PTPRD: variants seen among roughly 807,000 people sequenced by gnomAD.
PTPRD encodes protein tyrosine phosphatase receptor type D, also known as receptor-type tyrosine-protein phosphatase delta.
A neutral mutation model predicts 214.5 loss-of-function variants in PTPRD; 34 were observed. That is an observed-to-expected ratio of 0.16 (90% CI 0.12 to 0.21). The LOEUF is 0.21. Among genes scored for constraint, PTPRD ranks in the 10% least tolerant of loss-of-function variants. PTPRD has a pLI of 1.00. For synonymous variants in PTPRD, 1,128 were observed against 845.7 expected (o/e 1.33, Z -5.79); for missense variants, 2,545 against 2,398.7 (o/e 1.06, Z -1.27).
chr9:10,183,604 T>C (rs2099313336), intron 3 of PTPRD, among the ~76,000 whole-genome samples: 1 of 152,190 alleles, frequency 6.6e-6, no homozygotes, highest in Admixed American at 6.5e-5. Context: ...TTCTTTTTTT[T>C]CACCTTTTCT....
intron 3 of PTPRD, among the ~76,000 whole-genome samples, chr9:10,326,602 T>C (rs1300202945): frequency 6.6e-6 from 1 of 151,668 alleles, no homozygotes; most frequent in Non-Finnish European, 1.5e-5. Context: ...TTGGTTTTAT[T>C]GAATATTAAT....
intron 5 of PTPRD, among the ~76,000 whole-genome samples, chr9:9,924,744 C>A (rs963498408): frequency 1.3e-5 from 2 of 152,014 alleles, no homozygotes; most frequent in African/African-American, 4.8e-5. Context: ...AAAATAATTG[C>A]TTTAAAAATT....
At chr9:9,929,661 A>T (rs2085672854) in intron 5 of PTPRD, among the ~76,000 whole-genome samples, 1 of 152,108 alleles carries the variant, frequency 6.6e-6, no homozygotes, top group Non-Finnish European at 1.5e-5. Flanking sequence ...CAAAGTGCTG[A>T]GATTACAGGC....
At chr9:9,035,132 G>C (rs2099617479) in intron 10 of PTPRD, among the ~76,000 whole-genome samples, 1 of 152,056 alleles carries the variant, frequency 6.6e-6, no homozygotes, top group South Asian at 2.1e-4. Flanking sequence ...CATAGAGTCT[G>C]GCACATGGTG....
intron 8 of PTPRD, among the ~76,000 whole-genome samples, chr9:9,439,530 C>A (rs1207596585): frequency 6.6e-6 from 1 of 152,144 alleles, no homozygotes; most frequent in Non-Finnish European, 1.5e-5. Context: ...TTTCAACAAG[C>A]TCAGCAACAG....
At chr9:8,791,243 T>A (rs2096220873) in intron 11 of PTPRD, among the ~76,000 whole-genome samples, 1 of 152,144 alleles carries the variant, frequency 6.6e-6, no homozygotes, top group South Asian at 2.1e-4. Flanking sequence ...TTTTTCTTTT[T>A]GAGACAGAGT....
At chr9:8,499,963 T>C (rs2097357708) in intron 24 of PTPRD, 123 bp from the exon 25 acceptor site, 4 of 663,588 alleles carry the variant, frequency 6.0e-6, no homozygotes, top group Non-Finnish European at 9.3e-6. Flanking sequence ...TATGTTTTCT[T>C]TGAAGAATAC....
chr9:9,247,100 C>G (rs760371221), intron 9 of PTPRD, among the ~76,000 whole-genome samples: 1 of 152,054 alleles, frequency 6.6e-6, no homozygotes, highest in Non-Finnish European at 1.5e-5. Flanking sequence ...AAATGTCACT[C>G]TAGCCTTCTT....
In PTPRD at chr9:9,777,346, C is replaced by CACACAA. The variant is rs143342669; in HGVS notation, c.-367-10496_-367-10495insTTGTGT. Among the ~76,000 whole-genome samples the CACACAA allele has an allele frequency of 0.032, 4,870 of 151,998 alleles. 505 individuals carry two copies. In the East Asian group the frequency reaches 0.37, roughly 12 times the overall value. On this transcript the variant is annotated intron_variant, in intron 5 of 45. Transcript: ENST00000381196. ...ACATGCACACACACACACACACACACACACACACCCCTAAATGTTTACGTG... is the reference window on the plus strand; with the variant it reads ...ACATGCACACACACACACACACACACACACAAACACACACCCCTAAATGTTTACGTG...
At chr9:8,341,647 C>T (rs369184489) in intron 40 of PTPRD, 46 bp downstream of exon 40, 2 of 1,594,150 alleles carry the variant, frequency 1.3e-6, no homozygotes, top group East Asian at 4.5e-5. Flanking sequence ...AAGACAAACC[C>T]AGAATGACTT....
chr9:10,557,511 C>G (rs1296737920), intron 2 of PTPRD, among the ~76,000 whole-genome samples: 1 of 152,162 alleles, frequency 6.6e-6, no homozygotes, highest in African/African-American at 2.4e-5. Flanking sequence ...TTAGATCCAG[C>G]TTTCCCATAA....
chr9:9,803,104 G>A (rs2099051789), intron 5 of PTPRD, among the ~76,000 whole-genome samples: 1 of 151,684 alleles, frequency 6.6e-6, no homozygotes, highest in Non-Finnish European at 1.5e-5. Flanking sequence ...CTATAATTAG[G>A]TAAATATATT....
At chr9:8,774,292 T>G (rs1169378054) in intron 11 of PTPRD, among the ~76,000 whole-genome samples, 1 of 152,158 alleles carries the variant, frequency 6.6e-6, no homozygotes, top group Non-Finnish European at 1.5e-5. Context: ...GAAATTGGAT[T>G]CAATTGCTAA....
At chr9:10,320,337 G>C (rs1228832984) in intron 3 of PTPRD, among the ~76,000 whole-genome samples, 8 of 152,000 alleles carry the variant, frequency 5.3e-5, no homozygotes, top group East Asian at 1.9e-4. Context: ...ACATAAGCTT[G>C]AATATTTTCC....
chr9:9,038,397 T>C (rs1028553694), intron 10 of PTPRD, among the ~76,000 whole-genome samples: 3 of 152,092 alleles, frequency 2.0e-5, no homozygotes, highest in African/African-American at 7.2e-5. Flanking sequence ...GCTGTACTTC[T>C]AAACACCCCC....
At chr9:8,778,131 T>G (rs181973356) in intron 11 of PTPRD, among the ~76,000 whole-genome samples, 104 of 152,334 alleles carry the variant, frequency 6.8e-4, no homozygotes, top group African/African-American at 1.9e-3. Flanking sequence ...TACTTTTTAC[T>G]GTTTAGGTGG....
chr9:8,833,154 A>C (rs2097333968), intron 11 of PTPRD, among the ~76,000 whole-genome samples: 1 of 152,132 alleles, frequency 6.6e-6, no homozygotes, highest in Non-Finnish European at 1.5e-5. Flanking sequence ...TGAGCTTTAG[A>C]GGTTGAGCTG....
chr9:9,171,782 C>G (rs982913966), intron 10 of PTPRD, among the ~76,000 whole-genome samples: 3 of 152,016 alleles, frequency 2.0e-5, no homozygotes, highest in African/African-American at 4.8e-5. Flanking sequence ...GTAACAGCCT[C>G]TTGGCATGGA....
At position 8,465,681 on chromosome 9, in the gene PTPRD, G is replaced by A. The variant is rs751840404; in HGVS notation, c.3505-6C>T. 7 of 1,586,376 alleles carry A rather than the reference G, an allele frequency of 4.4e-6. No homozygotes were observed. The South Asian group carries it at 6.9e-5, about 16-fold the overall frequency. On this transcript the variant is annotated splice_region_variant and splice_polypyrimidine_tract_variant and intron_variant, in intron 31 of 45. Coordinates refer to ENST00000381196, the MANE Select transcript of PTPRD (RefSeq NM_002839.4). ...CTAGATATCTCCTTAAGCAGCTTAA[G>A]GAAAAAAGTGGGAAACAGAAAAAGA...
Sources: allele counts gnomAD v4.1 joint callset (sites outside exome capture counted in the v4.1 genomes callset), GRCh38; gene constraint gnomAD v4.1.1; transcripts MANE v1.5; gene names NCBI Gene and HGNC (gene_info 2026-07-23, HGNC 2026-07-21).